The following NPFFR2 variants were observed in gnomAD, a reference collection of about 807,000 sequenced individuals.
The protein encoded by NPFFR2 is neuropeptide FF receptor 2.
Under a neutral mutation model 13.1 loss-of-function variants are expected in NPFFR2, and 15 were observed. The observed-to-expected ratio is 1.15, with a 90% confidence interval of 0.77 to 1.76. The LOEUF is 1.76. Ranked by LOEUF, NPFFR2 falls within the 40% of genes most tolerant of loss-of-function variation. NPFFR2 has a pLI of 0.00. For missense variants in NPFFR2, 572 were observed against 503.5 expected, an observed-to-expected ratio of 1.14 and a Z score of -1.30; for synonymous variants, 190 against 175.7, an observed-to-expected ratio of 1.08 and a Z score of -0.65.
rs933321740 is a variant in NPFFR2 at position 72,086,950 on chromosome 4, G to C, written c.-7-41635G>C. 3.9e-5 allele frequency among the ~76,000 whole-genome samples: 6 copies of C among 152,082 alleles called. No homozygotes were observed. In the East Asian group the frequency reaches 1.2e-3, roughly 29 times the overall value. On this transcript the variant is annotated intron_variant, in intron 1 of 3. Coordinates refer to ENST00000308744, the MANE Select transcript of NPFFR2 (RefSeq NM_004885.3). The stretch of plus-strand genomic sequence containing the variant: ...TGCACATTTAATAATAATAAAGTTA[G>C]TAAGTATTTTGTCAAGTCTGTAATA...
At chr4:72,124,459 A>G (rs1022905167) in intron 1 of NPFFR2, among the ~76,000 whole-genome samples, 1 of 152,076 alleles carries the variant, frequency 6.6e-6, no homozygotes, top group East Asian at 1.9e-4. Context: ...AGCAAAAAGA[A>G]CAAAGCTGGA....
At chr4:72,077,401 G>A (rs888481238) in intron 1 of NPFFR2, among the ~76,000 whole-genome samples, 4 of 152,164 alleles carry the variant, frequency 2.6e-5, no homozygotes, top group African/African-American at 9.7e-5. Context: ...CTAATGAAAG[G>A]TTGATTAAAT....
chr4:72,144,246 C>G (rs986218907), intron 3 of NPFFR2, among the ~76,000 whole-genome samples: 1 of 152,104 alleles, frequency 6.6e-6, no homozygotes, highest in Non-Finnish European at 1.5e-5. Flanking sequence ...AATGGGCTCT[C>G]CAGCAAGGCT....
At position 72,038,905 on chromosome 4, in the gene NPFFR2, C is replaced by CTTTTTTTTTTTTTTTTTT. The variant is rs1158358179; in HGVS notation, c.-8+6709_-8+6726dup. On this transcript the variant is annotated intron_variant, in intron 1 of 3. Transcript: ENST00000308744. The stretch of plus-strand genomic sequence containing the variant: ...AATTCTTGATTTTTAAATTTCCTTT[C>CTTTTTTTTTTTTTTTTTT]TTTTTTTTTTTTTTTTTTTTTGAGA... Among the ~76,000 whole-genome samples the CTTTTTTTTTTTTTTTTTT allele has an allele frequency of 1.2e-4, 10 of 84,756 alleles. 1 individual carries two copies. The highest frequency in any genetic ancestry group is 7.7e-4 in the East Asian group (2 of 2,584). The allele number at this position is 84,756 out of a possible 152,430, so 55.6% of individuals were successfully genotyped here.
rs192765974 is a variant in NPFFR2, at chr4:72,104,739, T to G, written c.-7-23846T>G. Among the ~76,000 whole-genome samples, 152 of 152,156 alleles carry G rather than the reference T, an allele frequency of 1.0e-3. 1 individual carries two copies. The highest frequency in any genetic ancestry group is 2.9e-3 in the Admixed American group (45 of 15,256). On this transcript the variant is annotated intron_variant, in intron 1 of 3. Transcript: ENST00000308744. ...TTAACTCCTGGAAATCAATTCTTCC[T>G]TCAATATTGTTGCAGGCATTAAACC...
chr4:72,147,401 T>C lies in NPFFR2; in HGVS notation c.852T>C (p.Ile284=). Residue 284 remains isoleucine (I), a synonymous_variant, in exon 4 of 4, where the codon ATT becomes ATC. Coordinates refer to ENST00000308744, the MANE Select transcript of NPFFR2 (RefSeq NM_004885.3). ...TCCTGATTGTGGCCCTGCTTTTTAT[T>C]CTCTCATGGCTGCCCCTGTGGACTC... The part of the protein sequence containing the change: ...KMLLIVALLF[I]LSWLPLWTLM... The C allele has an allele frequency of 6.2e-7, 1 of 1,614,106 alleles. No homozygotes were observed. The highest frequency in any genetic ancestry group is 8.5e-7 in the Non-Finnish European group (1 of 1,180,018).
chr4:72,038,222 A>G (rs1275581612), intron 1 of NPFFR2, among the ~76,000 whole-genome samples: 1 of 152,080 alleles, frequency 6.6e-6, no homozygotes, highest in Non-Finnish European at 1.5e-5. Flanking sequence ...TCTCCACACT[A>G]CTAGTCCTCA....
intron 1 of NPFFR2, among the ~76,000 whole-genome samples, chr4:72,077,840 A>G (rs1316665271): frequency 6.6e-6 from 1 of 152,100 alleles, no homozygotes; most frequent in African/African-American, 2.4e-5. Flanking sequence ...GCATGAAGCG[A>G]CGTGTTTTTG....
Position 72,106,289 on chromosome 4 carries a change from C to A in NPFFR2, c.-7-22296C>A, listed in dbSNP as rs373644753. 1.3e-4 allele frequency among the ~76,000 whole-genome samples: 20 copies of A among 152,062 alleles called. 1 individual carries two copies. Among genetic ancestry groups the A allele is most frequent in the African/African-American group, 4.6e-4 (19 of 41,514 alleles). On this transcript the variant is annotated intron_variant, in intron 1 of 3. Coordinates refer to ENST00000308744, the MANE Select transcript of NPFFR2 (RefSeq NM_004885.3). ...AGAGGGAAGGAGAGTTGGTGTCACT[C>A]GCCAACTGACACTCCTAGAGTCTTT...
rs1578438519 is a variant in NPFFR2, at chr4:72,075,161, A to T, written c.-8+42961A>T. On this transcript the variant is annotated intron_variant, in intron 1 of 3. Transcript: ENST00000308744. ...GCAATCTAATTAGCTGCCAGTGAATATAAAGCAGGTAGAAAAACATGAAAA... is the reference window on the plus strand; with the variant it reads ...GCAATCTAATTAGCTGCCAGTGAATTTAAAGCAGGTAGAAAAACATGAAAA... Among the ~76,000 whole-genome samples, 6 of 152,222 alleles carry T rather than the reference A, an allele frequency of 3.9e-5. No individual in the cohort carries two copies. The South Asian group carries it at 1.0e-3, about 26-fold the overall frequency.
intron 1 of NPFFR2, among the ~76,000 whole-genome samples, chr4:72,058,058 C>A (rs1271920806): frequency 6.6e-6 from 1 of 151,948 alleles, no homozygotes; most frequent in African/African-American, 2.4e-5. Flanking sequence ...AACATTTCTT[C>A]AGCTCTAAAA....
chr4:72,134,053 C>A (rs1231003757), intron 2 of NPFFR2, among the ~76,000 whole-genome samples: 1 of 152,032 alleles, frequency 6.6e-6, no homozygotes. Context: ...TCACTTGAGG[C>A]CAGGAATTCA....
At chr4:72,096,241 A>G (rs1365398998) in intron 1 of NPFFR2, among the ~76,000 whole-genome samples, 1 of 152,222 alleles carries the variant, frequency 6.6e-6, no homozygotes, top group Non-Finnish European at 1.5e-5. Context: ...TTTAAAAAAG[A>G]TGAATAGGCC....
At position 72,133,825 on chromosome 4, in the gene NPFFR2, T is replaced by A. The variant is rs182173811; in HGVS notation, c.329-4215T>A. Among the ~76,000 whole-genome samples the A allele has an allele frequency of 3.7e-3, 566 of 152,322 alleles. 6 individuals are homozygous for A. Among genetic ancestry groups the A allele is most frequent in the African/African-American group, 0.013 (547 of 41,572 alleles). On this transcript the variant is annotated intron_variant, in intron 2 of 3. Coordinates refer to ENST00000308744, the MANE Select transcript of NPFFR2 (RefSeq NM_004885.3). The stretch of plus-strand genomic sequence containing the variant: ...TCTCGGCTTGACTGTTGTGGATGTA[T>A]AGGAATGCCAGTGATTTTTGTACAT...
At chr4:72,107,421 G>T (rs1721447266) in intron 1 of NPFFR2, among the ~76,000 whole-genome samples, 2 of 151,410 alleles carry the variant, frequency 1.3e-5, no homozygotes, top group South Asian at 4.2e-4. Flanking sequence ...AATCCTGGGA[G>T]ATCATCCTAT....
Position 72,128,850 on chromosome 4 carries a change from C to A in NPFFR2, c.259C>A (p.Leu87Met), listed in dbSNP as rs780012575. ...AGTCACTAATCTCTTCATCTTAAAC[C>A]TGGCCATAAGTGATTTACTAGTTGG... is the stretch of plus-strand genomic sequence containing the variant. ...HTVTNLFILN[L>M]AISDLLVGIF... Residue 87 changes from leucine (L) to methionine (M), a missense_variant, in exon 2 of 4, where the codon CTG becomes ATG. By Grantham distance (15) the Leu-to-Met change is conservative. Coordinates refer to ENST00000308744, the MANE Select transcript of NPFFR2 (RefSeq NM_004885.3). 6.2e-7 allele frequency: 1 copy of A among 1,614,088 alleles called. No individual in the cohort carries two copies. Among genetic ancestry groups the A allele is most frequent in the South Asian group, 1.1e-5 (1 of 91,074 alleles).
intron 1 of NPFFR2, among the ~76,000 whole-genome samples, chr4:72,044,275 C>T (rs970642868): frequency 6.6e-6 from 1 of 152,156 alleles, no homozygotes; most frequent in Non-Finnish European, 1.5e-5. Flanking sequence ...TGAACTAATA[C>T]AGCCAATGTC....
chr4:72,063,586 T>G (rs1719984579), intron 1 of NPFFR2, among the ~76,000 whole-genome samples: 1 of 152,048 alleles, frequency 6.6e-6, no homozygotes, highest in African/African-American at 2.4e-5. Context: ...GCAGGCAAGG[T>G]TTCAAAACAT....
chr4:72,136,779 A>G (rs1391649627), intron 2 of NPFFR2, among the ~76,000 whole-genome samples: 1 of 152,196 alleles, frequency 6.6e-6, no homozygotes, highest in Non-Finnish European at 1.5e-5. Flanking sequence ...CTGCCTCCTC[A>G]GAGAGTAAAC....
Sources: gnomAD v4.1 joint callset for allele counts (sites outside exome capture counted in the v4.1 genomes callset) on GRCh38, gnomAD v4.1.1 for gene constraint, MANE v1.5 for transcripts, NCBI Gene and HGNC (gene_info 2026-07-23, HGNC 2026-07-21) for gene names.